The following PSMA1 variants were observed in gnomAD, a reference collection of about 807,000 sequenced individuals.
PSMA1 encodes the protein proteasome subunit alpha type-1.
Under a neutral mutation model 38.4 loss-of-function variants are expected in PSMA1, and 3 were observed. The ratio of observed to expected loss-of-function variants is 0.08; its 90% CI spans 0.04 to 0.20. The LOEUF (loss-of-function observed/expected upper bound fraction) is 0.20, where lower values mean the gene tolerates loss of function less well. Ranked by LOEUF, PSMA1 falls within the 10% of genes least tolerant of loss-of-function variation. The pLI, the probability that PSMA1 is intolerant of heterozygous loss-of-function variation, is 1.00. For missense variants in PSMA1, 227 were observed against 325.3 expected (o/e 0.70, Z 2.32); for synonymous variants, 101 against 107.1 (o/e 0.94, Z 0.35).
At chr11:14,509,406 C>T (rs1463835704) in intron 8 of PSMA1, among the ~76,000 whole-genome samples, 1 of 152,062 alleles carries the variant, frequency 6.6e-6, no homozygotes, top group East Asian at 1.9e-4. Context: ...CACTCTGCTG[C>T]AATCACTATC....
At chr11:14,569,085 T>C (rs762219257) in intron 2 of PSMA1, among the ~76,000 whole-genome samples, 3 of 152,232 alleles carry the variant, frequency 2.0e-5, no homozygotes, top group Non-Finnish European at 4.4e-5. Flanking sequence ...ATTTGGCTTC[T>C]TGTTACTTGT....
At chr11:14,587,388 T>C (rs1852360235) in intron 2 of PSMA1, among the ~76,000 whole-genome samples, 1 of 152,224 alleles carries the variant, frequency 6.6e-6, no homozygotes. Flanking sequence ...TTTTGCTCCT[T>C]CTGTCTGACA....
chr11:14,581,722 C>T (rs1834076302), intron 2 of PSMA1, among the ~76,000 whole-genome samples: 1 of 152,128 alleles, frequency 6.6e-6, no homozygotes, highest in Non-Finnish European at 1.5e-5. Flanking sequence ...GTCTGAAAAG[C>T]CCAGGATTAT....
intron 2 of PSMA1, among the ~76,000 whole-genome samples, chr11:14,527,694 C>T (rs1211256467): frequency 6.6e-6 from 1 of 152,132 alleles, no homozygotes; most frequent in Non-Finnish European, 1.5e-5. Flanking sequence ...GGGTAGAGGC[C>T]TTTCCCACAG....
intron 1 of PSMA1, chr11:14,519,810 A>C (rs2134151822): frequency 6.3e-6 from 1 of 159,414 alleles, no homozygotes; most frequent in East Asian, 1.8e-4. Flanking sequence ...GTGACTGGAC[A>C]AAATGATTGA....
At chr11:14,630,919 T>C (rs926668053) in intron 1 of PSMA1, among the ~76,000 whole-genome samples, 1 of 152,200 alleles carries the variant, frequency 6.6e-6, no homozygotes, top group African/African-American at 2.4e-5. Context: ...CAGGAATTTA[T>C]CCATTTCTTC....
At chr11:14,603,137 C>G (rs1459206144) in intron 2 of PSMA1, among the ~76,000 whole-genome samples, 1 of 152,186 alleles carries the variant, frequency 6.6e-6, no homozygotes, top group Non-Finnish European at 1.5e-5. Flanking sequence ...TCAGGTAAGA[C>G]ATTTCCTGCT....
chr11:14,636,201 A>G (rs1353984301), intron 1 of PSMA1, among the ~76,000 whole-genome samples: 3 of 152,134 alleles, frequency 2.0e-5, no homozygotes, highest in Non-Finnish European at 4.4e-5. Context: ...ATCCACTGCA[A>G]TCTGGTTTCT....
intron 1 of PSMA1, among the ~76,000 whole-genome samples, chr11:14,614,306 C>A: frequency 6.6e-6 from 1 of 151,826 alleles, no homozygotes; most frequent in Non-Finnish European, 1.5e-5. Context: ...TTATTTCTAA[C>A]TCTGTGGTTT....
chr11:14,509,818 G>A (rs374614650), intron 8 of PSMA1, among the ~76,000 whole-genome samples: 115 of 149,122 alleles, frequency 7.7e-4, no homozygotes, highest in African/African-American at 2.6e-3. Context: ...CCACCTCCCA[G>A]GTTCACGCCA....
intron 2 of PSMA1, among the ~76,000 whole-genome samples, chr11:14,573,958 C>G (rs1852181188): frequency 6.6e-6 from 1 of 152,150 alleles, no homozygotes; most frequent in Non-Finnish European, 1.5e-5. Context: ...GAAGAAATTT[C>G]TAAGCAGCAA....
At chr11:14,572,023 A>G (rs1374986856) in intron 2 of PSMA1, among the ~76,000 whole-genome samples, 3 of 152,250 alleles carry the variant, frequency 2.0e-5, no homozygotes, top group African/African-American at 7.2e-5. Flanking sequence ...GCAAGTCCTT[A>G]GAGACCTACA....
intron 2 of PSMA1, among the ~76,000 whole-genome samples, chr11:14,535,444 C>CTT (rs766986230): frequency 6.6e-5 from 9 of 135,868 alleles, no homozygotes; most frequent in Non-Finnish European, 8.0e-5. Flanking sequence ...TTCTTTCTTT[C>CTT]TTTTTTTTTT....
intron 2 of PSMA1, among the ~76,000 whole-genome samples, chr11:14,572,757 T>G (rs527319634): frequency 7.9e-5 from 12 of 152,044 alleles, no homozygotes; most frequent in African/African-American, 2.4e-4. Flanking sequence ...ACAAAACTGA[T>G]AGACTGATAG....
chr11:14,546,927 C>A (rs1372251615), intron 2 of PSMA1, among the ~76,000 whole-genome samples: 1 of 152,066 alleles, frequency 6.6e-6, no homozygotes, highest in Non-Finnish European at 1.5e-5. Flanking sequence ...GGGGTGCTTA[C>A]CAGAACATGC....
intron 2 of PSMA1, among the ~76,000 whole-genome samples, chr11:14,573,252 A>T (rs958127602): frequency 6.6e-6 from 1 of 152,232 alleles, no homozygotes; most frequent in African/African-American, 2.4e-5. Flanking sequence ...ACATCGATGC[A>T]AATATCCTCA....
chr11:14,514,595 T>A lies in PSMA1; in HGVS notation c.255-104A>T. On this transcript the variant is annotated intron_variant, in intron 4 of 9. Transcript: ENST00000396394. ...AAATTCTTCCAAGCGTTTACATGGATAACATCCATATAAGAAAAACAGAAG... is the reference window on the plus strand; with the variant it reads ...AAATTCTTCCAAGCGTTTACATGGAAAACATCCATATAAGAAAAACAGAAG... 2 of 866,974 alleles carry A rather than the reference T, an allele frequency of 2.3e-6. 1 individual carries two copies. The highest frequency in any genetic ancestry group is 5.1e-5 in the South Asian group (2 of 39,026). 53.7% of individuals were successfully genotyped at this position (866,974 alleles called of 1,614,324 possible).
intron 1 of PSMA1, among the ~76,000 whole-genome samples, chr11:14,625,269 T>C (rs978425114): frequency 6.6e-6 from 1 of 152,126 alleles, no homozygotes; most frequent in African/African-American, 2.4e-5. Context: ...GCCAACATGG[T>C]GAAACCCTAT....
intron 2 of PSMA1, among the ~76,000 whole-genome samples, chr11:14,546,598 C>T (rs552793603): frequency 9.2e-5 from 14 of 152,034 alleles, no homozygotes; most frequent in East Asian, 1.9e-4. Flanking sequence ...TCACCATGCC[C>T]GGCTAATTTT....
Sources: gnomAD v4.1 joint callset for allele counts (sites outside exome capture counted in the v4.1 genomes callset) on GRCh38, gnomAD v4.1.1 for gene constraint, MANE v1.5 for transcripts, NCBI Gene and HGNC (gene_info 2026-07-23, HGNC 2026-07-21) for gene names.